KSR2: variants seen among roughly 807,000 people sequenced by gnomAD.
KSR2 encodes the protein kinase suppressor of ras 2.
Under a neutral mutation model 107.8 loss-of-function variants are expected in KSR2, and 25 were observed. The ratio of observed to expected loss-of-function variants is 0.23; its 90% CI spans 0.17 to 0.32. KSR2 has a LOEUF of 0.32. KSR2 is among the 10% of genes least tolerant of loss of function. KSR2 has a pLI of 1.00. For missense variants in KSR2, 887 were observed against 1,268.9 expected, an observed-to-expected ratio of 0.70 and a Z score of 4.57; for synonymous variants, 480 against 507.0, an observed-to-expected ratio of 0.95 and a Z score of 0.71.
intron 1 of KSR2, among the ~76,000 whole-genome samples, chr12:117,861,121 T>C (rs1209867211): frequency 1.3e-5 from 2 of 152,208 alleles, no homozygotes; most frequent in East Asian, 3.9e-4. Context: ...CCTACAGTTC[T>C]GTTTGCAATA....
Position 117,469,839 on chromosome 12 carries a change from T to C in KSR2, c.2713-44A>G, listed in dbSNP as rs765719782. ...TGGTGATTACACATAAATGGTGATT[T>C]CTTGATTACTCTTTGGCATCACATT... is the stretch of plus-strand genomic sequence containing the variant. On this transcript the variant is annotated intron_variant, in intron 18 of 19. Coordinates refer to ENST00000339824, the MANE Select transcript of KSR2 (RefSeq NM_173598.6). The C allele has an allele frequency of 5.6e-6, 9 of 1,601,042 alleles. No individual in the cohort carries two copies. In the Admixed American group the frequency reaches 1.2e-4, roughly 21 times the overall value.
intron 1 of KSR2, among the ~76,000 whole-genome samples, chr12:117,954,259 G>T (rs903156677): frequency 6.6e-6 from 1 of 152,156 alleles, no homozygotes; most frequent in Admixed American, 6.5e-5. Context: ...ACCTTTACAG[G>T]ATATGCTTTT....
At chr12:117,845,711 C>T (rs1074482) in intron 3 of KSR2, among the ~76,000 whole-genome samples, 38,171 of 150,156 alleles carry the variant, frequency 0.25, 5,662 homozygotes, top group Middle Eastern at 0.38. Flanking sequence ...GACAGGGTCT[C>T]GCTCTATCAC....
intron 10 of KSR2, among the ~76,000 whole-genome samples, chr12:117,537,167 C>G (rs879690560): frequency 6.6e-6 from 1 of 152,104 alleles, no homozygotes; most frequent in Non-Finnish European, 1.5e-5. Flanking sequence ...GAACCAAGAT[C>G]GCACCACTGC....
intron 5 of KSR2, among the ~76,000 whole-genome samples, chr12:117,662,455 G>A (rs547716859): frequency 3.3e-5 from 5 of 152,084 alleles, no homozygotes; most frequent in African/African-American, 7.2e-5. Context: ...TGCCTTCCTC[G>A]ACAAACCAGG....
chr12:117,849,602 T>C (rs1318901064), intron 3 of KSR2, among the ~76,000 whole-genome samples: 2 of 152,306 alleles, frequency 1.3e-5, no homozygotes, highest in Non-Finnish European at 2.9e-5. Context: ...TCGGGGCTCC[T>C]TGGGCACTGG....
intron 5 of KSR2, among the ~76,000 whole-genome samples, chr12:117,627,504 T>G (rs533503707): frequency 1.4e-4 from 21 of 152,336 alleles, no homozygotes; most frequent in African/African-American, 4.3e-4. Context: ...AAAATTCTTT[T>G]CTTTAAGAAT....
intron 5 of KSR2, among the ~76,000 whole-genome samples, chr12:117,607,267 T>C (rs570772411): frequency 4.6e-4 from 70 of 152,322 alleles, no homozygotes; most frequent in African/African-American, 1.7e-3. Flanking sequence ...ATTCCCCTAA[T>C]AAGAATTAAG....
chr12:117,550,525 GCAGCTGAC>G (rs1383267923), intron 9 of KSR2, among the ~76,000 whole-genome samples: 1 of 152,142 alleles, frequency 6.6e-6, no homozygotes, highest in Admixed American at 6.5e-5. Context: ...GAGCATAATG[GCAGCTGAC>G]CAGTGACCTA....
intron 3 of KSR2, among the ~76,000 whole-genome samples, chr12:117,840,627 C>T (rs1166493818): frequency 2.6e-5 from 4 of 152,068 alleles, no homozygotes; most frequent in African/African-American, 9.7e-5. Flanking sequence ...AAATCCTGAC[C>T]TCCAGTGATC....
At chr12:117,857,082 C>T (rs1261332983) in intron 2 of KSR2, among the ~76,000 whole-genome samples, 4 of 152,068 alleles carry the variant, frequency 2.6e-5, no homozygotes, top group African/African-American at 9.7e-5. Context: ...TAAATAGAGA[C>T]AGGGTCTCCC....
chr12:117,910,486 C>G (rs899741669), intron 1 of KSR2, among the ~76,000 whole-genome samples: 3 of 152,132 alleles, frequency 2.0e-5, no homozygotes, highest in Non-Finnish European at 4.4e-5. Flanking sequence ...TTTACCTGCT[C>G]CTGTATAAGG....
intron 14 of KSR2, among the ~76,000 whole-genome samples, chr12:117,515,776 A>C (rs1263377424): frequency 1.3e-5 from 2 of 152,034 alleles, no homozygotes; most frequent in Non-Finnish European, 2.9e-5. Flanking sequence ...AAACACAAAA[A>C]TTAGTTGGGT....
intron 4 of KSR2, among the ~76,000 whole-genome samples, chr12:117,725,010 A>G (rs995566903): frequency 6.6e-6 from 1 of 152,020 alleles, no homozygotes; most frequent in African/African-American, 2.4e-5. Context: ...CTGGTTAACA[A>G]GAACAGGGAT....
chr12:117,482,943 C>T (rs776858608), intron 16 of KSR2, among the ~76,000 whole-genome samples: 4 of 152,216 alleles, frequency 2.6e-5, no homozygotes, highest in Non-Finnish European at 4.4e-5. Context: ...CCCAACATTG[C>T]GTCCTTGCAG....
chr12:117,533,664 G>A (rs186290808), intron 10 of KSR2, among the ~76,000 whole-genome samples: 6 of 152,258 alleles, frequency 3.9e-5, no homozygotes, highest in Admixed American at 3.3e-4. Context: ...AAGACGACCC[G>A]AGGCTCTCAA....
At chr12:117,486,657 G>A (rs539857937) in intron 14 of KSR2, among the ~76,000 whole-genome samples, 91 of 152,300 alleles carry the variant, frequency 6.0e-4, no homozygotes, top group African/African-American at 2.2e-3. Context: ...CTGAGCCCTT[G>A]TTGTGTACTG....
intron 3 of KSR2, among the ~76,000 whole-genome samples, chr12:117,829,897 C>G (rs1325260173): frequency 6.6e-6 from 1 of 152,222 alleles, no homozygotes; most frequent in Admixed American, 6.5e-5. Flanking sequence ...AAGTCTTCCT[C>G]TATTTTCCTC....
chr12:117,876,678 T>A (rs927716433), intron 1 of KSR2, among the ~76,000 whole-genome samples: 7 of 151,258 alleles, frequency 4.6e-5, no homozygotes, highest in Admixed American at 4.0e-4. Flanking sequence ...TATATATGTA[T>A]ACTGTATAAT....
Sources: gnomAD v4.1 joint callset for allele counts (sites outside exome capture counted in the v4.1 genomes callset) on GRCh38, gnomAD v4.1.1 for gene constraint, MANE v1.5 for transcripts, NCBI Gene and HGNC (gene_info 2026-07-23, HGNC 2026-07-21) for gene names.